The following MIPOL1 variants were observed in gnomAD, a reference collection of about 807,000 sequenced individuals.
The protein encoded by MIPOL1 is mirror-image polydactyly 1, also known as mirror-image polydactyly gene 1 protein.
A neutral mutation model predicts 60.9 loss-of-function variants in MIPOL1; 57 were observed. The observed-to-expected ratio is 0.94, with a 90% confidence interval of 0.76 to 1.17. The LOEUF is 1.17. Ranked by LOEUF, MIPOL1 falls within the 50% of genes most tolerant of loss-of-function variation. The probability of loss-of-function intolerance (pLI) is 0.00; values close to 1 mark genes in which losing one functional copy is unlikely to be tolerated. For synonymous variants in MIPOL1, 179 were observed against 168.8 expected, an observed-to-expected ratio of 1.06 and a Z score of -0.47; for missense variants, 551 against 511.6, an observed-to-expected ratio of 1.08 and a Z score of -0.74.
At chr14:37,262,435 G>A (rs575990821) in intron 3 of MIPOL1, among the ~76,000 whole-genome samples, 116 of 152,156 alleles carry the variant, frequency 7.6e-4, no homozygotes, top group African/African-American at 2.7e-3. Context: ...ATATTTTGAT[G>A]TTTTTATATA....
At chr14:37,546,243 G>A (rs547448882) in intron 12 of MIPOL1, among the ~76,000 whole-genome samples, 39 of 152,240 alleles carry the variant, frequency 2.6e-4, no homozygotes, top group African/African-American at 8.4e-4. Context: ...AAATGTCTAT[G>A]TAGGTAATTT....
At chr14:37,367,657 A>G (rs1003946845) in intron 9 of MIPOL1, among the ~76,000 whole-genome samples, 1 of 152,096 alleles carries the variant, frequency 6.6e-6, no homozygotes, top group South Asian at 2.1e-4. Flanking sequence ...CAGCAGCTCC[A>G]TGAAACGTTC....
intron 12 of MIPOL1, among the ~76,000 whole-genome samples, chr14:37,519,695 A>G (rs2095398302): frequency 6.6e-6 from 1 of 152,158 alleles, no homozygotes; most frequent in African/African-American, 2.4e-5. Flanking sequence ...ACAGGGGAAC[A>G]AAAGACACTC....
intron 7 of MIPOL1, among the ~76,000 whole-genome samples, chr14:37,302,676 C>T (rs1343417384): frequency 6.7e-6 from 1 of 149,598 alleles, no homozygotes; most frequent in East Asian, 2.0e-4. Context: ...TATTCTACCA[C>T]CATTTGTTGG....
At chr14:37,528,753 TG>T (rs2095462987) in intron 12 of MIPOL1, among the ~76,000 whole-genome samples, 1 of 152,198 alleles carries the variant, frequency 6.6e-6, no homozygotes, top group African/African-American at 2.4e-5. Flanking sequence ...TTTTTAAATA[TG>T]CTTTTTTTAT....
At chr14:37,526,196 CTTTTTTT>C (rs78866640) in intron 12 of MIPOL1, among the ~76,000 whole-genome samples, 2 of 133,132 alleles carry the variant, frequency 1.5e-5, no homozygotes, top group Non-Finnish European at 3.2e-5. Flanking sequence ...TGTATATATG[CTTTTTTT>C]TTTTTTTTGG....
In MIPOL1 at chr14:37,301,909, T is replaced by G. The variant is rs1429824432; in HGVS notation, c.624-6147T>G. 1.2e-3 allele frequency among the ~76,000 whole-genome samples: 19 copies of G among 16,354 alleles called. 8 individuals are homozygous for G. The highest frequency in any genetic ancestry group is 1.5e-3 in the African/African-American group (19 of 13,002). The allele number at this position is 16,354 out of a possible 152,430, so 10.7% of individuals were successfully genotyped here. ...AATTGGCTTCTTTCATTTAGCAGAATGCATTCATGTTAATGCATTAATTTA... is the reference window on the plus strand; with the variant it reads ...AATTGGCTTCTTTCATTTAGCAGAAGGCATTCATGTTAATGCATTAATTTA... On this transcript the variant is annotated intron_variant, in intron 7 of 12. Transcript: ENST00000684589.
intron 11 of MIPOL1, among the ~76,000 whole-genome samples, chr14:37,494,843 T>A (rs773960394): frequency 2.6e-5 from 4 of 152,180 alleles, no homozygotes; most frequent in Non-Finnish European, 5.9e-5. Context: ...TTTAAAAAGA[T>A]CATGTCCATT....
chr14:37,515,698 A>G (rs1953158056), intron 12 of MIPOL1, among the ~76,000 whole-genome samples: 1 of 152,198 alleles, frequency 6.6e-6, no homozygotes, highest in South Asian at 2.1e-4. Context: ...AACGTCCAAG[A>G]AGTTCTCTAG....
intron 12 of MIPOL1, among the ~76,000 whole-genome samples, chr14:37,511,629 T>C (rs1397372540): frequency 6.6e-6 from 1 of 152,200 alleles, no homozygotes; most frequent in Non-Finnish European, 1.5e-5. Flanking sequence ...GTATGCTTGC[T>C]TCTTGTGGCC....
At chr14:37,426,594 T>TATATATATATATATACATAC (rs1447990257) in intron 11 of MIPOL1, among the ~76,000 whole-genome samples, 2 of 125,434 alleles carry the variant, frequency 1.6e-5, no homozygotes, top group African/African-American at 5.9e-5. Flanking sequence ...TATATATATA[T>TATATATATATATATACATAC]ACACACACAC....
chr14:37,523,617 G>T, intron 12 of MIPOL1: 2 of 382,714 alleles, frequency 5.2e-6, no homozygotes, highest in South Asian at 1.9e-4. Context: ...GTTAGATGTT[G>T]ATCAATTGTA....
Position 37,383,485 on chromosome 14 carries a change from A to G in MIPOL1, c.936+13861A>G, listed in dbSNP as rs1324366287. On this transcript the variant is annotated intron_variant, in intron 10 of 12. Transcript: ENST00000684589. ...AAATTAAGTCATGATCACAGCCATC[A>G]AAAAAGTACATTTGTCCATTGTGTT... Among the ~76,000 whole-genome samples the G allele has an allele frequency of 2.0e-5, 3 of 151,898 alleles. No individual in the cohort carries two copies. The East Asian group carries it at 5.8e-4, about 29-fold the overall frequency.
At chr14:37,376,427 A>G (rs181825642) in intron 10 of MIPOL1, among the ~76,000 whole-genome samples, 1 of 152,158 alleles carries the variant, frequency 6.6e-6, no homozygotes, top group Non-Finnish European at 1.5e-5. Context: ...TGGCCTTTTC[A>G]TATTGGCTTC....
intron 12 of MIPOL1, among the ~76,000 whole-genome samples, chr14:37,531,705 A>G (rs531998386): frequency 1.3e-5 from 2 of 152,296 alleles, no homozygotes; most frequent in Admixed American, 1.3e-4. Context: ...AGTTTTTGAA[A>G]ATCCTTGAGG....
At chr14:37,302,263 T>TTG (rs1491516094) in intron 7 of MIPOL1, among the ~76,000 whole-genome samples, 3 of 440 alleles carry the variant, frequency 6.8e-3, no homozygotes, top group African/African-American at 0.011. Context: ...GGAACTGTTG[T>TTG]TTTTTTTTTT....
At chr14:37,407,842 CTTCTTTTTTT>C (rs1433240236) in intron 10 of MIPOL1, among the ~76,000 whole-genome samples, 6 of 58,064 alleles carry the variant, frequency 1.0e-4, no homozygotes, top group African/African-American at 3.9e-4. Context: ...TCTTCTTCTT[CTTCTTTTTTT>C]TTTTTTTTTT....
intron 11 of MIPOL1, among the ~76,000 whole-genome samples, chr14:37,485,034 T>G (rs2094926520): frequency 6.6e-6 from 1 of 152,134 alleles, no homozygotes; most frequent in African/African-American, 2.4e-5. Context: ...TGATGCTGCC[T>G]TCCCTGTGTC....
chr14:37,471,677 C>CT (rs893726600), intron 11 of MIPOL1, among the ~76,000 whole-genome samples: 4 of 152,056 alleles, frequency 2.6e-5, no homozygotes, highest in African/African-American at 7.2e-5. Context: ...ATCCCAACCA[C>CT]TTTTTTTTAA....
Sources: allele counts gnomAD v4.1 joint callset (sites outside exome capture counted in the v4.1 genomes callset), GRCh38; gene constraint gnomAD v4.1.1; transcripts MANE v1.5; gene names NCBI Gene and HGNC (gene_info 2026-07-23, HGNC 2026-07-21).